Variants in CPNE4 observed in about 807,000 individuals in gnomAD.
CPNE4 encodes the protein copine 4, also known as copine-4.
CPNE4 carries 25 observed loss-of-function variants against 67.9 expected under a neutral mutation model. The ratio of observed to expected loss-of-function variants is 0.37; its 90% CI spans 0.27 to 0.51. The LOEUF is 0.51. Among genes scored for constraint, CPNE4 ranks in the 20% least tolerant of loss-of-function variants. The pLI is 0.93. For missense variants in CPNE4, 464 were observed against 690.8 expected (o/e 0.67, Z 3.68); for synonymous variants, 242 against 244.9 (o/e 0.99, Z 0.11).
rs1009465667 is a variant in CPNE4, at chr3:132,005,417, T to C, written c.-2+29150A>G. Among the ~76,000 whole-genome samples, 40 of 148,368 alleles carry C rather than the reference T, an allele frequency of 2.7e-4. No homozygotes were observed. In the Admixed American group the frequency reaches 2.7e-3, roughly 10 times the overall value. ...TCATATATATATAATAGCTATAGGC[T>C]ACTATACTTTACAAAAGGAAGACAA... On this transcript the variant is annotated intron_variant, in intron 1 of 15. Coordinates refer to ENST00000429747, the MANE Select transcript of CPNE4 (RefSeq NM_130808.3).
At chr3:131,634,217 A>T (rs1253782068) in intron 7 of CPNE4, among the ~76,000 whole-genome samples, 4 of 152,152 alleles carry the variant, frequency 2.6e-5, no homozygotes, top group African/African-American at 9.7e-5. Context: ...ATGCATACTT[A>T]TCCTTCAGGT....
chr3:131,561,130 A>G (rs1936738206), intron 11 of CPNE4, among the ~76,000 whole-genome samples: 2 of 152,060 alleles, frequency 1.3e-5, no homozygotes, highest in Non-Finnish European at 2.9e-5. Context: ...TAAAATGGCA[A>G]TCCATATTTC....
At chr3:131,848,277 G>A (rs1041692239) in intron 2 of CPNE4, among the ~76,000 whole-genome samples, 44 of 152,094 alleles carry the variant, frequency 2.9e-4, no homozygotes, top group African/African-American at 1.0e-3. Flanking sequence ...AATAAAAAAG[G>A]GAAAAATGTA....
chr3:131,754,235 T>C (rs1300057807), intron 2 of CPNE4, among the ~76,000 whole-genome samples: 1 of 152,100 alleles, frequency 6.6e-6, no homozygotes, highest in East Asian at 1.9e-4. Flanking sequence ...CCATATTATT[T>C]TGTGTGTCAA....
intron 2 of CPNE4, among the ~76,000 whole-genome samples, chr3:131,867,859 G>A (rs1405357272): frequency 6.6e-6 from 1 of 152,080 alleles, no homozygotes; most frequent in Admixed American, 6.6e-5. Context: ...CCTCTACGTT[G>A]ATGGATAATG....
At chr3:131,827,757 GA>G (rs1560411527) in intron 2 of CPNE4, among the ~76,000 whole-genome samples, 5 of 152,054 alleles carry the variant, frequency 3.3e-5, no homozygotes, top group African/African-American at 4.8e-5. Flanking sequence ...AGAAACAAAT[GA>G]AAAACTAATA....
At chr3:131,603,838 G>A (rs114438632) in intron 7 of CPNE4, among the ~76,000 whole-genome samples, 2,763 of 152,256 alleles carry the variant, frequency 0.018, 30 homozygotes, top group South Asian at 0.049. Context: ...CTCAGTTGAA[G>A]AAGCATTGGT....
chr3:131,816,326 A>G (rs934180280), intron 2 of CPNE4, among the ~76,000 whole-genome samples: 7 of 152,096 alleles, frequency 4.6e-5, no homozygotes, highest in Non-Finnish European at 1.0e-4. Context: ...ATTTAGTTTT[A>G]TATCTTCTTT....
At chr3:132,006,429 TAGA>T (rs1233567515) in intron 1 of CPNE4, among the ~76,000 whole-genome samples, 2 of 152,146 alleles carry the variant, frequency 1.3e-5, no homozygotes, top group Admixed American at 1.3e-4. Flanking sequence ...ATGAACAGCA[TAGA>T]AGAAGCAAAG....
In CPNE4 at chr3:132,025,096, C is replaced by T. The variant is rs1477085118; in HGVS notation, c.-2+9471G>A. On this transcript the variant is annotated intron_variant, in intron 1 of 15. Coordinates refer to ENST00000429747, the MANE Select transcript of CPNE4 (RefSeq NM_130808.3). ...GTTTTAACAAGCCCTCCAGGAGATT[C>T]GGAGATTCTGACTCATCCTCAAGTT... Among the ~76,000 whole-genome samples, 6 of 152,126 alleles carry T rather than the reference C, an allele frequency of 3.9e-5. 1 individual carries two copies. The highest frequency in any genetic ancestry group is 2.6e-4 in the Admixed American group (4 of 15,268).
chr3:131,801,601 T>C (rs927511698), intron 2 of CPNE4, among the ~76,000 whole-genome samples: 2 of 149,612 alleles, frequency 1.3e-5, no homozygotes, highest in African/African-American at 4.9e-5. Context: ...CAAAGTAATA[T>C]GTCAGTCAAT....
chr3:131,788,424 A>G (rs1447184213), intron 2 of CPNE4, among the ~76,000 whole-genome samples: 1 of 152,096 alleles, frequency 6.6e-6, no homozygotes, highest in Non-Finnish European at 1.5e-5. Flanking sequence ...AGCCTCTTTA[A>G]TAATCAATGA....
At chr3:131,930,207 G>A (rs563878889) in intron 1 of CPNE4, among the ~76,000 whole-genome samples, 2 of 152,224 alleles carry the variant, frequency 1.3e-5, no homozygotes, top group South Asian at 4.2e-4. Context: ...GAAATAGATG[G>A]CACACCGAAA....
chr3:131,838,496 C>A (rs1380097666), intron 2 of CPNE4, among the ~76,000 whole-genome samples: 10 of 150,986 alleles, frequency 6.6e-5, no homozygotes, highest in Non-Finnish European at 1.5e-5. Flanking sequence ...GTGGGTGATA[C>A]AATATATTTA....
At chr3:131,628,628 GGGT>G (rs2079139667) in intron 7 of CPNE4, among the ~76,000 whole-genome samples, 4 of 152,338 alleles carry the variant, frequency 2.6e-5, no homozygotes, top group South Asian at 4.1e-4. Context: ...AGTCTTGGGA[GGGT>G]GTATGTGTCC....
chr3:131,700,054 C>CT (rs3035263), intron 3 of CPNE4, 74 bp from the exon 4 acceptor site: 10,882 of 252,328 alleles, frequency 0.043, 175 homozygotes, highest in East Asian at 0.078. Flanking sequence ...TTTTTTAAAC[C>CT]TTTTTTTTTT....
At chr3:131,643,092 A>G (rs2079577299) in intron 7 of CPNE4, among the ~76,000 whole-genome samples, 1 of 152,214 alleles carries the variant, frequency 6.6e-6, no homozygotes, top group Non-Finnish European at 1.5e-5. Flanking sequence ...CAAAATGGTG[A>G]TAGGGATATG....
At chr3:131,696,371 C>T (rs1044073280) in intron 5 of CPNE4, among the ~76,000 whole-genome samples, 171 bp downstream of exon 5, 1 of 152,162 alleles carries the variant, frequency 6.6e-6, no homozygotes, top group Non-Finnish European at 1.5e-5. Flanking sequence ...TTCCCTTTCT[C>T]ATTAATTGAT....
intron 6 of CPNE4, among the ~76,000 whole-genome samples, chr3:131,680,091 A>G (rs1183814789): frequency 6.6e-6 from 1 of 152,082 alleles, no homozygotes; most frequent in African/African-American, 2.4e-5. Context: ...AAAACTTGCT[A>G]TATGAATCAG....
Sources: gnomAD v4.1 joint callset for allele counts (sites outside exome capture counted in the v4.1 genomes callset) on GRCh38, gnomAD v4.1.1 for gene constraint, MANE v1.5 for transcripts, NCBI Gene and HGNC (gene_info 2026-07-23, HGNC 2026-07-21) for gene names.